The following COL4A1 variants were observed in gnomAD, a reference collection of about 807,000 sequenced individuals.
The protein encoded by COL4A1 is collagen type IV alpha 1 chain, also known as collagen alpha-1(IV) chain.
In COL4A1, 40 loss-of-function variants were observed where a neutral mutation model predicts 216.6. The ratio of observed to expected loss-of-function variants is 0.18; its 90% CI spans 0.14 to 0.24. The LOEUF (loss-of-function observed/expected upper bound fraction) is 0.24. COL4A1 is among the 10% of genes least tolerant of loss of function. The pLI, the probability that COL4A1 is intolerant of heterozygous loss-of-function variation, is 1.00. For synonymous variants in COL4A1, 839 were observed against 810.7 expected (o/e 1.03, Z -0.59); for missense variants, 1,628 against 2,196.8 (o/e 0.74, Z 5.18).
At chr13:110,219,828 G>GTGTATATA (rs1566385613) in intron 2 of COL4A1, among the ~76,000 whole-genome samples, 3 of 69,656 alleles carry the variant, frequency 4.3e-5, no homozygotes, top group African/African-American at 1.5e-4. Context: ...GTATATATAT[G>GTGTATATA]TATGTATGTA....
At chr13:110,298,218 T>C (rs1324484741) in intron 1 of COL4A1, among the ~76,000 whole-genome samples, 1 of 152,162 alleles carries the variant, frequency 6.6e-6, no homozygotes, top group Admixed American at 6.5e-5. Context: ...GAAAACAAAA[T>C]CTAATTATTA....
At chr13:110,176,343 A>G in intron 36 of COL4A1, 81 bp downstream of exon 36, 1 of 950,778 alleles carries the variant, frequency 1.1e-6, no homozygotes, top group Non-Finnish European at 1.7e-6. Flanking sequence ...GTCTCAGCTG[A>G]AGAGGATCTC....
intron 1 of COL4A1, chr13:110,298,694 G>A (rs751809623): frequency 1.2e-4 from 19 of 152,420 alleles, no homozygotes; most frequent in Admixed American, 3.9e-4. Flanking sequence ...TGGAGGAGGT[G>A]GGAGGGAGGC....
chr13:110,230,555 G>A (rs116251173), intron 2 of COL4A1, among the ~76,000 whole-genome samples: 6,062 of 152,130 alleles, frequency 0.04, 403 homozygotes, highest in African/African-American at 0.14. Context: ...GGTGGGACGG[G>A]TGGTGCACCT....
At chr13:110,249,005 A>G (rs1226905860) in intron 1 of COL4A1, among the ~76,000 whole-genome samples, 2 of 152,034 alleles carry the variant, frequency 1.3e-5, no homozygotes, top group African/African-American at 4.8e-5. Flanking sequence ...GGTGGCTGTG[A>G]GGCTCTGCAA....
intron 1 of COL4A1, among the ~76,000 whole-genome samples, chr13:110,254,235 A>G (rs1022362084): frequency 6.6e-6 from 1 of 152,180 alleles, no homozygotes; most frequent in African/African-American, 2.4e-5. Flanking sequence ...AGTGCACTGC[A>G]TATTGTCACA....
In COL4A1 at chr13:110,174,639, C is replaced by T. The variant is rs767587281; in HGVS notation, c.3309G>A (p.Gly1103=). Reference sequence around the variant, plus strand: ...CTCACCTACCTGGATAGCCAACACTCCCGGGAGACCCTTTAAGGCCTGGGG... The same window carrying T: ...CTCACCTACCTGGATAGCCAACACTTCCGGGAGACCCTTTAAGGCCTGGGG... ...PGSPGLKGSP[G]SVGYPGSPGL... The change falls in exon 38 of 52, where the codon GGG becomes GGA. Residue 1103 remains glycine, a synonymous_variant. Transcript: ENST00000375820. 1 of 1,614,178 alleles carries T rather than the reference C, an allele frequency of 6.2e-7. No individual in the cohort carries two copies. The highest frequency in any genetic ancestry group is 1.1e-5 in the South Asian group (1 of 91,084).
chr13:110,240,760 T>G (rs1015486192), intron 2 of COL4A1, among the ~76,000 whole-genome samples: 1 of 152,162 alleles, frequency 6.6e-6, no homozygotes, highest in Non-Finnish European at 1.5e-5. Context: ...AGATGTCAGT[T>G]GACAGGTAGG....
chr13:110,279,509 C>G lies in COL4A1; in HGVS notation c.84+27435G>C, dbSNP rs574497459. On this transcript the variant is annotated intron_variant, in intron 1 of 51. Coordinates refer to ENST00000375820, the MANE Select transcript of COL4A1 (RefSeq NM_001845.6). The stretch of plus-strand genomic sequence containing the variant: ...TATTTTTTTGCTCAGTTCCCCATAT[C>G]CTGAACCTGTGTTAGACACATTCAA... Among the ~76,000 whole-genome samples, 61 of 152,274 alleles carry G rather than the reference C, an allele frequency of 4.0e-4. No homozygotes were observed. The South Asian group carries it at 0.012, about 30-fold the overall frequency.
At chr13:110,208,974 A>G (rs1178457866) in intron 11 of COL4A1, 84 bp from the exon 12 acceptor site, 17 of 1,359,034 alleles carry the variant, frequency 1.3e-5, no homozygotes, top group Non-Finnish European at 1.8e-5. Context: ...AAAATGCAAT[A>G]AGATGGTAGA....
chr13:110,155,638 C>T (rs530918778), intron 49 of COL4A1, among the ~76,000 whole-genome samples: 1 of 152,260 alleles, frequency 6.6e-6, no homozygotes, highest in Non-Finnish European at 1.5e-5. Flanking sequence ...TGGCTGGGGG[C>T]GGTGGCTCAT....
At chr13:110,286,324 G>A (rs553472325) in intron 1 of COL4A1, among the ~76,000 whole-genome samples, 2 of 152,158 alleles carry the variant, frequency 1.3e-5, no homozygotes, top group African/African-American at 4.8e-5. Flanking sequence ...CTGAACACTC[G>A]AAGCTCCTGA....
intron 4 of COL4A1, 93 bp downstream of exon 4, chr13:110,213,689 G>C: frequency 7.7e-7 from 1 of 1,297,180 alleles, no homozygotes. Context: ...TGGAGGACGA[G>C]GGCAAGGAGA....
chr13:110,182,929 A>G, intron 28 of COL4A1, 64 bp downstream of exon 28: 1 of 1,466,946 alleles, frequency 6.8e-7, no homozygotes, highest in African/African-American at 1.4e-5. Context: ...GATGTCTACC[A>G]CCTCCTCTTT....
At chr13:110,260,545 G>C (rs1009716354) in intron 1 of COL4A1, among the ~76,000 whole-genome samples, 1 of 152,166 alleles carries the variant, frequency 6.6e-6, no homozygotes, top group Non-Finnish European at 1.5e-5. Context: ...CCACGGCAAG[G>C]GTGGTACAAA....
rs768685175 is a variant in COL4A1, at chr13:110,175,202, G to A, written c.3198+16C>T. 3.7e-5 allele frequency: 59 copies of A among 1,613,946 alleles called. No individual in the cohort carries two copies. The highest frequency in any genetic ancestry group is 8.0e-5 in the African/African-American group (6 of 74,938). ...AGCTGGGAGAAGGGGACCTTTCCAC[G>A]CAGAGCGCTGGTTACCTTTTCACCT... On this transcript the variant is annotated intron_variant, in intron 37 of 51. Coordinates refer to ENST00000375820, the MANE Select transcript of COL4A1 (RefSeq NM_001845.6).
At chr13:110,209,827 A>C in intron 10 of COL4A1, 153 bp downstream of exon 10, 1 of 955,298 alleles carries the variant, frequency 1.0e-6, no homozygotes, top group Non-Finnish European at 1.7e-6. Flanking sequence ...GATGCCAGCC[A>C]AACGTTTAGT....
chr13:110,269,340 T>A (rs1380856983), intron 1 of COL4A1, among the ~76,000 whole-genome samples: 1 of 152,176 alleles, frequency 6.6e-6, no homozygotes, highest in African/African-American at 2.4e-5. Flanking sequence ...ATCAGAAGCA[T>A]ACATATTTTT....
At chr13:110,290,558 A>C (rs1884043361) in intron 1 of COL4A1, among the ~76,000 whole-genome samples, 1 of 152,056 alleles carries the variant, frequency 6.6e-6, no homozygotes, top group African/African-American at 2.4e-5. Context: ...CTTCACTCGC[A>C]AACTACTCAT....
Sources: gnomAD v4.1 joint callset for allele counts (sites outside exome capture counted in the v4.1 genomes callset) on GRCh38, gnomAD v4.1.1 for gene constraint, MANE v1.5 for transcripts, NCBI Gene and HGNC (gene_info 2026-07-23, HGNC 2026-07-21) for gene names.